DNAH9: variants seen among roughly 807,000 people sequenced by gnomAD.
DNAH9 encodes the protein DNAH9 variant protein.
In DNAH9, 345 loss-of-function variants were observed where a neutral mutation model predicts 471.6. That is an observed-to-expected ratio of 0.73 (90% CI 0.67 to 0.80). The LOEUF is 0.80. Ranked by LOEUF, DNAH9 falls within the 30% of genes least tolerant of loss-of-function variation. DNAH9 has a pLI of 0.00. For synonymous variants in DNAH9, 2,093 were observed against 2,123.6 expected (o/e 0.99, Z 0.40); for missense variants, 5,407 against 5,609.2 (o/e 0.96, Z 1.15).
At chr17:11,907,423 C>T (rs758430896) in intron 61 of DNAH9, among the ~76,000 whole-genome samples, 5 of 151,350 alleles carry the variant, frequency 3.3e-5, no homozygotes, top group Admixed American at 6.6e-5. Flanking sequence ...TGAGCCAAGA[C>T]CACACTATAG....
intron 67 of DNAH9, chr17:11,953,917 TA>T (rs1345302244): frequency 6.6e-6 from 1 of 151,990 alleles, no homozygotes; most frequent in Admixed American, 6.6e-5. Flanking sequence ...AGATATTTAT[TA>T]AAAGACGCAA....
In DNAH9 at chr17:11,932,984, C is replaced by T. The variant is rs755904038; in HGVS notation, c.12297+779C>T. 3.3e-5 allele frequency among the ~76,000 whole-genome samples: 5 copies of T among 152,198 alleles called. No individual in the cohort carries two copies. Among genetic ancestry groups the T allele is most frequent in the South Asian group, 2.1e-4 (1 of 4,828 alleles). On this transcript the variant is annotated intron_variant, in intron 64 of 68. Coordinates refer to ENST00000262442, the MANE Select transcript of DNAH9 (RefSeq NM_001372.4). The surrounding 1 kb of genome is among the most constrained non-coding windows in gnomAD (Gnocchi z 4.3). The stretch of plus-strand genomic sequence containing the variant: ...GTCAACAGGGCCACCACCTCTTCCT[C>T]GTGGGGAAAACGAACCAGGCCCAGA...
intron 24 of DNAH9, among the ~76,000 whole-genome samples, chr17:11,703,440 G>T (rs902174546): frequency 4.6e-5 from 7 of 152,114 alleles, no homozygotes; most frequent in Non-Finnish European, 8.8e-5. Flanking sequence ...AGAATGTGTT[G>T]CCTCCTCCTA....
intron 42 of DNAH9, among the ~76,000 whole-genome samples, chr17:11,795,516 C>T (rs1222225095): frequency 6.6e-6 from 1 of 152,180 alleles, no homozygotes; most frequent in Non-Finnish European, 1.5e-5. Context: ...ATGTGACAGC[C>T]TTTTGAATGT....
intron 48 of DNAH9, among the ~76,000 whole-genome samples, chr17:11,830,988 A>G (rs1198593230): frequency 6.6e-6 from 1 of 152,246 alleles, no homozygotes; most frequent in East Asian, 1.9e-4. Context: ...GTGAACATTT[A>G]TTAGGCAGGC....
chr17:11,814,642 A>G (rs1036395449), intron 45 of DNAH9, among the ~76,000 whole-genome samples: 1 of 152,190 alleles, frequency 6.6e-6, no homozygotes, highest in Non-Finnish European at 1.5e-5. Flanking sequence ...TTTATAACCA[A>G]TGGGGTCCCT....
chr17:11,654,213 G>A lies in DNAH9; in HGVS notation c.2595+1211G>A, dbSNP rs1449433108. Among the ~76,000 whole-genome samples, 17 of 101,518 alleles carry A rather than the reference G, an allele frequency of 1.7e-4. 3 individuals are homozygous for A. The highest frequency in any genetic ancestry group is 2.3e-4 in the East Asian group (1 of 4,260). The allele number at this position is 101,518 out of a possible 152,430, so 66.6% of individuals were successfully genotyped here. A position where few individuals can be genotyped will look rare whatever the true frequency, so the allele number is the denominator to read the frequency against. ...TACTAAAAATACAAAAAAATTAGCC[G>A]GGCGTGATGGCGGGCGCCTGTAGTC... On this transcript the variant is annotated intron_variant, in intron 14 of 68. Coordinates refer to ENST00000262442, the MANE Select transcript of DNAH9 (RefSeq NM_001372.4).
At chr17:11,775,505 G>T (rs965575448) in intron 38 of DNAH9, among the ~76,000 whole-genome samples, 3 of 151,508 alleles carry the variant, frequency 2.0e-5, no homozygotes, top group African/African-American at 7.3e-5. Flanking sequence ...CCACCCAGTA[G>T]GTCAATCCCT....
chr17:11,630,359 TGAGACG>T (rs2073044245), intron 7 of DNAH9: 1 of 152,446 alleles, frequency 6.6e-6, no homozygotes, highest in Non-Finnish European at 1.5e-5. Context: ...CTTGAACCCG[TGAGACG>T]GAGGTTGCAG....
At chr17:11,808,594 C>T (rs1365548127) in intron 44 of DNAH9, among the ~76,000 whole-genome samples, 1 of 152,178 alleles carries the variant, frequency 6.6e-6, no homozygotes, top group Non-Finnish European at 1.5e-5. Flanking sequence ...AACCACAGCC[C>T]AGCCTCTCGA....
chr17:11,715,577 C>T (rs2074945183), intron 26 of DNAH9, among the ~76,000 whole-genome samples: 2 of 151,012 alleles, frequency 1.3e-5, no homozygotes, highest in Admixed American at 1.3e-4. Context: ...GCTAACGTTC[C>T]TGTGTTCCCA....
chr17:11,889,454 C>T (rs955644528), intron 57 of DNAH9, among the ~76,000 whole-genome samples: 2 of 150,298 alleles, frequency 1.3e-5, no homozygotes, highest in African/African-American at 2.4e-5. Context: ...TCACATCCCA[C>T]GTGGCACGAT....
chr17:11,668,319 T>G (rs2073910039), intron 15 of DNAH9, among the ~76,000 whole-genome samples: 1 of 152,220 alleles, frequency 6.6e-6, no homozygotes, highest in Non-Finnish European at 1.5e-5. Context: ...TGGAATTGTA[T>G]GGCTTGTGCC....
rs1316357366 is a variant in DNAH9 at position 11,930,013 on chromosome 17, G to A, written c.12025G>A (p.Glu4009Lys). 6.2e-7 allele frequency: 1 copy of A among 1,614,090 alleles called. No homozygotes were observed. Among genetic ancestry groups the A allele is most frequent in the Non-Finnish European group, 8.5e-7 (1 of 1,180,008 alleles). Reference protein sequence around the residue: ...EGHIIPQGILENSIKITNEPP... With the variant: ...EGHIIPQGILKNSIKITNEPP... ...CCACATCATCCCCCAGGGCATCCTG[G>A]AGAACTCCATTAAGATCACCAATGA... The change falls in exon 63 of 69, where the codon GAG becomes AAG. Residue 4009 changes from glutamate to lysine, a missense_variant. This residue lies in a region of DNAH9 where 4,636 missense variants were observed against 4,900.3 expected (regional missense o/e 0.95). Transcript: ENST00000262442.
rs932410234 is a variant in DNAH9 at position 11,729,539 on chromosome 17, A to T, written c.5814+1617A>T. 2.6e-5 allele frequency among the ~76,000 whole-genome samples: 4 copies of T among 152,358 alleles called. No homozygotes were observed. In the South Asian group the frequency reaches 8.3e-4, roughly 32 times the overall value. ...GTACAGAAAAAGGAAAAATGTAGCT[A>T]TGAGAGACTCTTTGGTCCCTACAGG... is the stretch of plus-strand genomic sequence containing the variant. On this transcript the variant is annotated intron_variant, in intron 28 of 68. Coordinates refer to ENST00000262442, the MANE Select transcript of DNAH9 (RefSeq NM_001372.4).
At chr17:11,829,688 GTCTCAAAC>G (rs926759007) in intron 48 of DNAH9, among the ~76,000 whole-genome samples, 4 of 152,154 alleles carry the variant, frequency 2.6e-5, no homozygotes, top group African/African-American at 9.7e-5. Flanking sequence ...GGCCAGGCTG[GTCTCAAAC>G]TCTTGGCCTC....
chr17:11,826,359 G>GGC (rs574294369), intron 48 of DNAH9, among the ~76,000 whole-genome samples: 3 of 38,562 alleles, frequency 7.8e-5, no homozygotes, highest in Non-Finnish European at 1.7e-4. Flanking sequence ...GCCGGAAGCT[G>GGC]GGGGGGTAAT....
rs780835612 is a variant in DNAH9, at chr17:11,693,930, A to G, written c.4677A>G (p.Lys1559=). The G allele has an allele frequency of 8.7e-6, 14 of 1,614,044 alleles. No individual in the cohort carries two copies. In the East Asian group the frequency reaches 3.1e-4, roughly 36 times the overall value. Residue 1559 remains lysine (K), a synonymous_variant, in exon 21 of 69, where the codon AAA becomes AAG. Coordinates refer to ENST00000262442, the MANE Select transcript of DNAH9 (RefSeq NM_001372.4). ...DFKELAYDAQ[K]IPNVVQTTNK... is the part of the protein sequence containing the mutation. ...AAGAGCTAGCTTATGATGCCCAGAA[A>G]ATTCCAAATGTAGTGCAAACCACCA...
chr17:11,843,863 G>GTGTGTGTGTGTGTATATA (rs1253794533), intron 49 of DNAH9, among the ~76,000 whole-genome samples: 8 of 46,464 alleles, frequency 1.7e-4, no homozygotes, highest in Admixed American at 3.8e-4. Flanking sequence ...GTGTGTGTGT[G>GTGTGTGTGTGTGTATATA]TATATATATA....
Sources: allele counts gnomAD v4.1 joint callset (sites outside exome capture counted in the v4.1 genomes callset), GRCh38; gene constraint gnomAD v4.1.1; regional missense constraint gnomAD v4.1.1; non-coding constraint Gnocchi (gnomAD v3.1); transcripts MANE v1.5; gene names NCBI Gene and HGNC (gene_info 2026-07-23, HGNC 2026-07-21).